Variants in TAFA2 observed in about 807,000 individuals in gnomAD.
TAFA2 encodes TAFA chemokine like family member 2, also known as chemokine-like protein TAFA-2.
A neutral mutation model predicts 18.8 loss-of-function variants in TAFA2; 7 were observed. The observed-to-expected ratio is 0.37, with a 90% CI of 0.21 to 0.70. The LOEUF (loss-of-function observed/expected upper bound fraction) is 0.70, where lower values mean the gene tolerates loss of function less well. Among genes scored for constraint, TAFA2 ranks in the 30% least tolerant of loss-of-function variants. TAFA2 has a pLI of 0.53. For missense variants in TAFA2, 122 were observed against 158.1 expected (o/e 0.77, Z 1.23); for synonymous variants, 60 against 54.2 (o/e 1.11, Z -0.47).
chr12:61,987,091 G>T (rs1219669553), intron 1 of TAFA2, among the ~76,000 whole-genome samples: 1 of 152,172 alleles, frequency 6.6e-6, no homozygotes, highest in African/African-American at 2.4e-5. Context: ...AATAAAAAAT[G>T]TTCTGTAGTT....
chr12:62,066,126 C>T lies in TAFA2; in HGVS notation c.-2+125133G>A, dbSNP rs896611908. The stretch of plus-strand genomic sequence containing the variant: ...TAACACTGTTTTTTGCTGAAACAGC[C>T]GTGTGTGTGTGTGTGTGTGTGTGTG... On this transcript the variant is annotated intron_variant, in intron 1 of 4. Transcript: ENST00000416284. Among the ~76,000 whole-genome samples the T allele has an allele frequency of 8.2e-5, 12 of 145,574 alleles. 1 individual carries two copies. The South Asian group carries it at 1.6e-3, about 19-fold the overall frequency.
chr12:61,772,596 T>C (rs1055672383), intron 2 of TAFA2, among the ~76,000 whole-genome samples: 1 of 151,746 alleles, frequency 6.6e-6, no homozygotes, highest in Admixed American at 6.6e-5. Flanking sequence ...GCATAAAGAA[T>C]TAAAAACAAA....
chr12:62,107,134 A>G (rs1029363922), intron 1 of TAFA2, among the ~76,000 whole-genome samples: 2 of 152,204 alleles, frequency 1.3e-5, no homozygotes, highest in African/African-American at 2.4e-5. Context: ...TACAACAAAA[A>G]TGCAGGTCAT....
chr12:61,765,120 G>T (rs1450849267), intron 2 of TAFA2, among the ~76,000 whole-genome samples: 3 of 152,024 alleles, frequency 2.0e-5, no homozygotes, highest in African/African-American at 7.2e-5. Context: ...GTTAGATATA[G>T]GCAGTGACAC....
chr12:62,080,234 C>T (rs1477789861), intron 1 of TAFA2, among the ~76,000 whole-genome samples: 2 of 152,214 alleles, frequency 1.3e-5, no homozygotes, highest in African/African-American at 4.8e-5. Context: ...ATATGTATAT[C>T]CCACTCACTT....
At position 61,927,046 on chromosome 12, in the gene TAFA2, A is replaced by T. The variant is rs138646750; in HGVS notation, c.-1-59620T>A. ...GCCGAGATCGCACCACTATACTCCA[A>T]CCTGGTGACAGAGTGAGACTCTGAA... On this transcript the variant is annotated intron_variant, in intron 1 of 4. Transcript: ENST00000416284. Among the ~76,000 whole-genome samples, 1,104 of 142,106 alleles carry T rather than the reference A, an allele frequency of 7.8e-3. 15 individuals are homozygous for T. The highest frequency in any genetic ancestry group is 0.029 in the African/African-American group (1,065 of 37,184). 93.2% of individuals were successfully genotyped at this position (142,106 alleles called of 152,430 possible).
At chr12:62,194,711 G>T (rs12312235), upstream of TAFA2, among the ~76,000 whole-genome samples, 44,237 of 151,980 alleles carry the variant, frequency 0.29, 7,132 homozygotes, top group African/African-American at 0.43. Context: ...AAGTAGTAAA[G>T]ATTCTCCTAA....
At chr12:61,999,203 T>C (rs1592539553) in intron 1 of TAFA2, among the ~76,000 whole-genome samples, 2 of 152,304 alleles carry the variant, frequency 1.3e-5, no homozygotes, top group South Asian at 4.1e-4. Context: ...ATTCAAAATA[T>C]CATTCAGCTA....
At chr12:61,866,551 A>G (rs1391853602) in intron 2 of TAFA2, among the ~76,000 whole-genome samples, 1 of 152,220 alleles carries the variant, frequency 6.6e-6, no homozygotes, top group African/African-American at 2.4e-5. Context: ...CAGTTCAGAA[A>G]TAGCCCCATG....
chr12:62,181,227 C>G (rs2062550054), intron 1 of TAFA2, among the ~76,000 whole-genome samples: 1 of 152,114 alleles, frequency 6.6e-6, no homozygotes, highest in Non-Finnish European at 1.5e-5. Flanking sequence ...TCACAGAATT[C>G]TCCCTTCGGC....
At chr12:62,009,626 T>C (rs1880664793) in intron 1 of TAFA2, among the ~76,000 whole-genome samples, 1 of 152,228 alleles carries the variant, frequency 6.6e-6, no homozygotes, top group Non-Finnish European at 1.5e-5. Context: ...GAAAGTCTAA[T>C]ATTATTTCAA....
At chr12:62,023,750 A>T (rs1216409513) in intron 1 of TAFA2, 1 of 152,058 alleles carries the variant, frequency 6.6e-6, no homozygotes, top group Non-Finnish European at 1.5e-5. Flanking sequence ...TCACTACTGC[A>T]TCTACTCCTT....
At chr12:62,001,468 C>T in intron 1 of TAFA2, among the ~76,000 whole-genome samples, 1 of 152,050 alleles carries the variant, frequency 6.6e-6, no homozygotes, top group East Asian at 1.9e-4. Flanking sequence ...TAGATGGTCC[C>T]ATCTTGGGGT....
chr12:62,016,880 T>C (rs1282208810), intron 1 of TAFA2, among the ~76,000 whole-genome samples: 1 of 152,148 alleles, frequency 6.6e-6, no homozygotes, highest in African/African-American at 2.4e-5. Context: ...ATAGGAAGAC[T>C]AATTATTTCT....
intron 2 of TAFA2, among the ~76,000 whole-genome samples, chr12:61,856,364 G>A (rs1290051114): frequency 6.6e-6 from 1 of 151,722 alleles, no homozygotes. Context: ...ATGAAAAGAT[G>A]ATTAAAAAAT....
intron 2 of TAFA2, among the ~76,000 whole-genome samples, chr12:61,819,415 G>C (rs1872228423): frequency 6.6e-6 from 1 of 152,114 alleles, no homozygotes; most frequent in Non-Finnish European, 1.5e-5. Context: ...GTGAAGATAA[G>C]CAAATGTAAT....
At chr12:62,026,961 A>G (rs1881327045) in intron 1 of TAFA2, among the ~76,000 whole-genome samples, 1 of 152,098 alleles carries the variant, frequency 6.6e-6, no homozygotes, top group Admixed American at 6.6e-5. Context: ...AAAAATCAAC[A>G]GCTCGAAGAC....
At chr12:62,125,673 A>T (rs1016710138) in intron 1 of TAFA2, among the ~76,000 whole-genome samples, 1 of 151,826 alleles carries the variant, frequency 6.6e-6, no homozygotes, top group South Asian at 2.1e-4. Flanking sequence ...TCCCGCAGAT[A>T]TTTTTTTTCT....
chr12:62,057,209 A>G (rs1592309452), intron 1 of TAFA2, among the ~76,000 whole-genome samples: 1 of 152,266 alleles, frequency 6.6e-6, no homozygotes, highest in East Asian at 1.9e-4. Flanking sequence ...GTAGGAGGTG[A>G]TTTTCAAAAT....
Sources: gnomAD v4.1 joint callset for allele counts (sites outside exome capture counted in the v4.1 genomes callset) on GRCh38, gnomAD v4.1.1 for gene constraint, MANE v1.5 for transcripts, NCBI Gene and HGNC (gene_info 2026-07-23, HGNC 2026-07-21) for gene names.